ADAMTS6: variants seen among roughly 807,000 people sequenced by gnomAD.
ADAMTS6 encodes A disintegrin and metalloproteinase with thrombospondin motifs 6.
In ADAMTS6, 23 loss-of-function variants were observed where a neutral mutation model predicts 144.3. The observed-to-expected ratio is 0.16, with a 90% CI of 0.11 to 0.23. ADAMTS6 has a LOEUF of 0.23. Ranked by LOEUF, ADAMTS6 falls within the 10% of genes least tolerant of loss-of-function variation. The pLI is 1.00. For synonymous variants in ADAMTS6, 444 were observed against 457.5 expected, an observed-to-expected ratio of 0.97 and a Z score of 0.38; for missense variants, 999 against 1,379.6, an observed-to-expected ratio of 0.72 and a Z score of 4.37.
intron 9 of ADAMTS6, among the ~76,000 whole-genome samples, chr5:65,317,632 C>T (rs1263292518): frequency 3.9e-5 from 6 of 152,040 alleles, no homozygotes; most frequent in African/African-American, 7.2e-5. Context: ...ACCCACAGAA[C>T]GGGAGAAAAT....
rs367762298 is a variant in ADAMTS6 at position 65,223,215 on chromosome 5, C to A, written c.2272+1105G>T. The stretch of plus-strand genomic sequence containing the variant: ...TCCAGCTTTGTTGAGGTATAACTCA[C>A]AAATAAAATATTAAGTTTAAGGTGT... On this transcript the variant is annotated intron_variant, in intron 18 of 24. Transcript: ENST00000381055. Among the ~76,000 whole-genome samples, 11 of 152,072 alleles carry A rather than the reference C, an allele frequency of 7.2e-5. No homozygotes were observed. In the East Asian group the frequency reaches 1.4e-3, roughly 19 times the overall value.
chr5:65,434,381 C>T (rs1757224487), intron 7 of ADAMTS6, among the ~76,000 whole-genome samples: 1 of 152,080 alleles, frequency 6.6e-6, no homozygotes. Flanking sequence ...CAACTAAAAA[C>T]CGTTGAATAA....
intron 22 of ADAMTS6, among the ~76,000 whole-genome samples, chr5:65,180,618 C>T (rs1366365701): frequency 6.6e-6 from 1 of 152,132 alleles, no homozygotes; most frequent in East Asian, 1.9e-4. Flanking sequence ...CCTGTTTCCT[C>T]CTCTTGCCTC....
intron 3 of ADAMTS6, among the ~76,000 whole-genome samples, chr5:65,466,452 G>A (rs185497642): frequency 3.3e-5 from 5 of 152,110 alleles, no homozygotes; most frequent in South Asian, 2.1e-4. Context: ...ACTACCCAAC[G>A]TATTATAGTT....
chr5:65,413,132 AC>A (rs1481566040), intron 7 of ADAMTS6, among the ~76,000 whole-genome samples: 16 of 152,152 alleles, frequency 1.1e-4, no homozygotes, highest in African/African-American at 3.9e-4. Flanking sequence ...GCCTTATAAG[AC>A]CTAGCAACAG....
intron 10 of ADAMTS6, among the ~76,000 whole-genome samples, chr5:65,292,589 A>T (rs1742428710): frequency 1.3e-5 from 2 of 152,148 alleles, no homozygotes; most frequent in Admixed American, 1.3e-4. Flanking sequence ...TGTGTTCTAT[A>T]AAAAGGTATG....
chr5:65,206,891 T>C (rs1756142706), intron 20 of ADAMTS6, among the ~76,000 whole-genome samples: 2 of 149,528 alleles, frequency 1.3e-5, no homozygotes, highest in Admixed American at 6.7e-5. Context: ...CACAGACTCA[T>C]ACATTAGGCT....
chr5:65,352,314 A>C (rs188007264), intron 7 of ADAMTS6, among the ~76,000 whole-genome samples: 16 of 151,466 alleles, frequency 1.1e-4, no homozygotes, highest in Admixed American at 8.6e-4. Flanking sequence ...CCCATAGAGA[A>C]GTAAATAAAA....
chr5:65,462,911 C>T (rs1561565725), intron 3 of ADAMTS6, among the ~76,000 whole-genome samples: 1 of 151,800 alleles, frequency 6.6e-6, no homozygotes, highest in Non-Finnish European at 1.5e-5. Flanking sequence ...GAAACCCCAC[C>T]CCTACTAAAA....
chr5:65,199,148 CA>C (rs2112237496), intron 20 of ADAMTS6, among the ~76,000 whole-genome samples: 1 of 152,066 alleles, frequency 6.6e-6, no homozygotes, highest in Non-Finnish European at 1.5e-5. Flanking sequence ...TTAAGTCATT[CA>C]AACATGACTA....
chr5:65,351,524 T>G (rs1748840875), intron 7 of ADAMTS6, among the ~76,000 whole-genome samples: 1 of 152,344 alleles, frequency 6.6e-6, no homozygotes, highest in Admixed American at 6.5e-5. Context: ...TGTCATTAAT[T>G]GAATAAATCT....
chr5:65,163,942 A>T (rs1752954010), intron 24 of ADAMTS6, among the ~76,000 whole-genome samples: 1 of 152,260 alleles, frequency 6.6e-6, no homozygotes, highest in Non-Finnish European at 1.5e-5. Context: ...AGATTTTAAA[A>T]AGTCACGATT....
chr5:65,349,181 T>A (rs971809754), intron 7 of ADAMTS6, among the ~76,000 whole-genome samples: 2 of 151,962 alleles, frequency 1.3e-5, no homozygotes, highest in African/African-American at 4.8e-5. Context: ...AAAGAAAAAA[T>A]TTCTATTGTT....
chr5:65,242,801 T>G (rs545415934), intron 14 of ADAMTS6, among the ~76,000 whole-genome samples: 3 of 152,278 alleles, frequency 2.0e-5, no homozygotes, highest in Admixed American at 6.5e-5. Context: ...TACATTTAAT[T>G]TATTAACATC....
chr5:65,252,482 C>A (rs1173966995), intron 14 of ADAMTS6, among the ~76,000 whole-genome samples: 1 of 151,762 alleles, frequency 6.6e-6, no homozygotes, highest in Non-Finnish European at 1.5e-5. Context: ...ACCTCATGAT[C>A]CACCTGCCTT....
At chr5:65,278,359 G>A (rs62369617) in intron 11 of ADAMTS6, among the ~76,000 whole-genome samples, 29,380 of 152,038 alleles carry the variant, frequency 0.19, 2,860 homozygotes, top group Non-Finnish European at 0.22. Flanking sequence ...TAGTGGGATT[G>A]CTAGATCAAA....
intron 22 of ADAMTS6, among the ~76,000 whole-genome samples, chr5:65,175,477 C>T (rs755833015): frequency 2.0e-5 from 3 of 152,038 alleles, no homozygotes; most frequent in Non-Finnish European, 4.4e-5. Context: ...AGGTATTCTC[C>T]GTAACCCTGT....
chr5:65,390,954 GT>G (rs34797529), intron 7 of ADAMTS6, among the ~76,000 whole-genome samples: 21,917 of 141,126 alleles, frequency 0.16, 2,090 homozygotes, highest in African/African-American at 0.29. Context: ...TTTTTTGAGG[GT>G]TTTTTTTTTT....
intron 12 of ADAMTS6, among the ~76,000 whole-genome samples, chr5:65,268,683 T>A (rs1261999841): frequency 6.6e-6 from 1 of 152,216 alleles, no homozygotes; most frequent in African/African-American, 2.4e-5. Flanking sequence ...AATAGCGATG[T>A]CAGACCCCCC....
Sources: gnomAD v4.1 joint callset for allele counts (sites outside exome capture counted in the v4.1 genomes callset) on GRCh38, gnomAD v4.1.1 for gene constraint, MANE v1.5 for transcripts, NCBI Gene and HGNC (gene_info 2026-07-23, HGNC 2026-07-21) for gene names.